The following CNOT6L variants were observed in gnomAD, a reference collection of about 807,000 sequenced individuals.
CNOT6L encodes the protein CCR4-NOT transcription complex subunit 6-like.
In CNOT6L, 7 loss-of-function variants were observed where a neutral mutation model predicts 64.0. That is an observed-to-expected ratio of 0.11 (90% CI 0.06 to 0.21). The LOEUF (loss-of-function observed/expected upper bound fraction) is 0.21. Ranked by LOEUF, CNOT6L falls within the 10% of genes least tolerant of loss-of-function variation. The pLI is 1.00. For synonymous variants in CNOT6L, 193 were observed against 243.4 expected (o/e 0.79, Z 1.93); for missense variants, 245 against 669.0 (o/e 0.37, Z 6.99).
intron 1 of CNOT6L, among the ~76,000 whole-genome samples, chr4:77,784,639 A>G (rs1215512957): frequency 6.6e-6 from 1 of 151,842 alleles, no homozygotes; most frequent in African/African-American, 2.4e-5. Context: ...GCACGCCACC[A>G]CCATCCAGCT....
intron 5 of CNOT6L, among the ~76,000 whole-genome samples, chr4:77,750,504 A>G (rs943794259): frequency 2.0e-5 from 3 of 151,692 alleles, no homozygotes; most frequent in African/African-American, 4.8e-5. Context: ...GGCGCCCACC[A>G]CCACACCCAG....
chr4:77,773,312 C>T (rs1727799644), intron 3 of CNOT6L, 146 bp from the exon 4 acceptor site: 1 of 553,902 alleles, frequency 1.8e-6, no homozygotes, highest in Non-Finnish European at 3.2e-6. Context: ...AAAAACATTG[C>T]ACAATATAAA....
chr4:77,786,146 T>C (rs962759799), intron 1 of CNOT6L, among the ~76,000 whole-genome samples: 1 of 151,792 alleles, frequency 6.6e-6, no homozygotes, highest in African/African-American at 2.4e-5. Flanking sequence ...CTGGGCATGG[T>C]GGCGGACACC....
intron 1 of CNOT6L, among the ~76,000 whole-genome samples, chr4:77,780,553 CTT>C (rs1440259340): frequency 2.0e-5 from 3 of 152,184 alleles, no homozygotes; most frequent in South Asian, 4.1e-4. Context: ...TCCATTCACT[CTT>C]TATTTCTTAG....
intron 11 of CNOT6L, among the ~76,000 whole-genome samples, chr4:77,724,426 C>T (rs1390793064): frequency 1.3e-5 from 2 of 151,544 alleles, no homozygotes; most frequent in Non-Finnish European, 2.9e-5. Flanking sequence ...ATGGCCTGAA[C>T]CCAGGAGTTT....
intron 1 of CNOT6L, among the ~76,000 whole-genome samples, chr4:77,781,893 A>G (rs184308425): frequency 5.8e-4 from 88 of 152,354 alleles, no homozygotes; most frequent in African/African-American, 2.0e-3. Context: ...AGAGTGCTTC[A>G]TAATGAATCA....
At position 77,789,925 on chromosome 4, in the gene CNOT6L, G is replaced by A. The variant is rs1465123784; in HGVS notation, c.6-13533C>T. 7.0e-5 allele frequency among the ~76,000 whole-genome samples: 8 copies of A among 114,694 alleles called. No homozygotes were observed. In the East Asian group the frequency reaches 1.1e-3, roughly 15 times the overall value. 75.2% of individuals were successfully genotyped at this position (114,694 alleles called of 152,430 possible). On this transcript the variant is annotated intron_variant, in intron 1 of 11. Transcript: ENST00000504123. Reference sequence around the variant, plus strand: ...GTGATTGTGCCACTGCAGCCTAAGCGACAAAGCAAGACACTGTCTCAAAAA... The same window carrying A: ...GTGATTGTGCCACTGCAGCCTAAGCAACAAAGCAAGACACTGTCTCAAAAA...
In CNOT6L at chr4:77,782,641, CTT is replaced by C. The variant is rs3048223; in HGVS notation, c.6-6251_6-6250del. Among the ~76,000 whole-genome samples the C allele has an allele frequency of 2.4e-3, 340 of 141,218 alleles. 1 individual carries two copies. Among genetic ancestry groups the C allele is most frequent in the Admixed American group, 5.8e-3 (82 of 14,206 alleles). 92.6% of individuals were successfully genotyped at this position (141,218 alleles called of 152,430 possible). ...ACAGGCATGAGCCACAGTGCCTAGC[CTT>C]TTTTTTTTTTTTTTTTTAAAGAGAC... On this transcript the variant is annotated intron_variant, in intron 1 of 11. Coordinates refer to ENST00000504123, the MANE Select transcript of CNOT6L (RefSeq NM_144571.3).
At chr4:77,805,805 C>A (rs1560437700) in intron 1 of CNOT6L, among the ~76,000 whole-genome samples, 1 of 152,080 alleles carries the variant, frequency 6.6e-6, no homozygotes, top group Non-Finnish European at 1.5e-5. Flanking sequence ...TCCACAGCAC[C>A]AAAGATTAAG....
chr4:77,718,579 GACAA>G lies in CNOT6L; in HGVS notation c.*1848_*1851del, dbSNP rs1009957558. The G allele has an allele frequency of 5.2e-5, 8 of 152,414 alleles. No individual in the cohort carries two copies. The highest frequency in any genetic ancestry group is 4.2e-4 in the South Asian group (2 of 4,812). The allele number at this position is 152,414 out of a possible 1,614,324, so 9.4% of individuals were successfully genotyped here. ...CAATGACATTCCAATTATAATAGATGACAAACAACGCCTCTATCACTAGGCACTT... is the reference window on the plus strand; with the variant it reads ...CAATGACATTCCAATTATAATAGATGACAACGCCTCTATCACTAGGCACTT... On this transcript the variant is annotated 3_prime_UTR_variant, in exon 12 of 12. Transcript: ENST00000504123.
At chr4:77,796,050 T>C (rs1730802227) in intron 1 of CNOT6L, among the ~76,000 whole-genome samples, 1 of 152,134 alleles carries the variant, frequency 6.6e-6, no homozygotes, top group South Asian at 2.1e-4. Flanking sequence ...GCAGGCTTGT[T>C]ACATGGGTAT....
chr4:77,781,759 T>C (rs1728881930), intron 1 of CNOT6L, among the ~76,000 whole-genome samples: 1 of 152,214 alleles, frequency 6.6e-6, no homozygotes, highest in Admixed American at 6.5e-5. Flanking sequence ...ATGTAAGTCC[T>C]ATAGTGTTAA....
chr4:77,719,904 T>C lies in CNOT6L; in HGVS notation c.*527A>G, dbSNP rs1213036740. On this transcript the variant is annotated 3_prime_UTR_variant, in exon 12 of 12. Transcript: ENST00000504123. Reference sequence around the variant, plus strand: ...CCATGTATAGAGGCTATATCATAGTTTATGGACTGAACAAGTAAATTTAAG... The same window carrying C: ...CCATGTATAGAGGCTATATCATAGTCTATGGACTGAACAAGTAAATTTAAG... The C allele has an allele frequency of 1.9e-5, 3 of 154,238 alleles. No individual in the cohort carries two copies. The East Asian group carries it at 5.8e-4, about 30-fold the overall frequency. The allele number at this position is 154,238 out of a possible 1,614,324, so 9.6% of individuals were successfully genotyped here.
intron 5 of CNOT6L, among the ~76,000 whole-genome samples, chr4:77,756,657 A>G (rs1725607044): frequency 1.3e-5 from 2 of 152,228 alleles, no homozygotes; most frequent in African/African-American, 4.8e-5. Context: ...AAATAATGCA[A>G]CTAATCTCCT....
At chr4:77,778,191 G>A (rs1052711507) in intron 1 of CNOT6L, among the ~76,000 whole-genome samples, 5 of 152,076 alleles carry the variant, frequency 3.3e-5, no homozygotes, top group South Asian at 2.1e-4. Context: ...AGGTAACAAG[G>A]TTTTCAGAAT....
intron 1 of CNOT6L, among the ~76,000 whole-genome samples, chr4:77,818,329 C>G (rs190337289): frequency 2.0e-5 from 3 of 152,324 alleles, no homozygotes; most frequent in Admixed American, 1.3e-4. Flanking sequence ...GTACACGCCT[C>G]TCCCCCTAGG....
intron 1 of CNOT6L, 198 bp downstream of exon 1, chr4:77,819,106 G>A: frequency 1.1e-6 from 1 of 882,700 alleles, no homozygotes; most frequent in Non-Finnish European, 1.7e-6. Context: ...CTGAAGAGAC[G>A]CGGGTCAGCC....
Position 77,717,486 on chromosome 4 carries a change from ATT to A in CNOT6L, c.*2943_*2944del, listed in dbSNP as rs1720871068. On this transcript the variant is annotated 3_prime_UTR_variant, in exon 12 of 12. Transcript: ENST00000504123. ...TGTATCACATTCTAAAAATGCCCAG[ATT>A]TTCTTTTATCTTCTGATTAAAATAT... 5.2e-5 allele frequency: 8 copies of A among 152,494 alleles called. No homozygotes were observed. In the South Asian group the frequency reaches 1.7e-3, roughly 32 times the overall value. 9.4% of individuals were successfully genotyped at this position (152,494 alleles called of 1,614,324 possible). A position where few individuals can be genotyped will look rare whatever the true frequency, so the allele number is the denominator to read the frequency against.
At chr4:77,782,918 T>C (rs1353245752) in intron 1 of CNOT6L, among the ~76,000 whole-genome samples, 1 of 152,062 alleles carries the variant, frequency 6.6e-6, no homozygotes, top group East Asian at 1.9e-4. Context: ...TAAGATCATA[T>C]TGACAAAATT....
Sources: allele counts gnomAD v4.1 joint callset (sites outside exome capture counted in the v4.1 genomes callset), GRCh38; gene constraint gnomAD v4.1.1; transcripts MANE v1.5; gene names NCBI Gene and HGNC (gene_info 2026-07-23, HGNC 2026-07-21).